The following MOK variants were observed in gnomAD, a reference collection of about 807,000 sequenced individuals.
MOK encodes MOK protein kinase.
MOK carries 59 observed loss-of-function variants against 54.2 expected under a neutral mutation model. The observed-to-expected ratio is 1.09, with a 90% CI of 0.88 to 1.35. The LOEUF (loss-of-function observed/expected upper bound fraction) is 1.35. Among genes scored for constraint, MOK ranks in the 40% most tolerant of loss-of-function variants. The pLI, the probability that MOK is intolerant of heterozygous loss-of-function variation, is 0.00. For missense variants in MOK, 517 were observed against 526.2 expected (o/e 0.98, Z 0.17); for synonymous variants, 210 against 202.7 (o/e 1.04, Z -0.31).
In MOK at chr14:102,236,644, A is replaced by C. The variant is rs2065243573; in HGVS notation, c.591-2855T>G. On this transcript the variant is annotated intron_variant, in intron 7 of 11. Coordinates refer to ENST00000361847, the MANE Select transcript of MOK (RefSeq NM_014226.3). The surrounding 1 kb of genome is among the most constrained non-coding windows in gnomAD (Gnocchi z 4.5). ...CCCCTGACCCCTCTCCCCAGTACCCACTTCCCACCTCTTTTGTAAACCCAA... is the reference window on the plus strand; with the variant it reads ...CCCCTGACCCCTCTCCCCAGTACCCCCTTCCCACCTCTTTTGTAAACCCAA... 1.3e-5 allele frequency among the ~76,000 whole-genome samples: 2 copies of C among 151,096 alleles called. No individual in the cohort carries two copies. Among genetic ancestry groups the C allele is most frequent in the Non-Finnish European group, 3.0e-5 (2 of 67,796 alleles).
rs765405131 is a variant in MOK, at chr14:102,232,726, T to C, written c.693-18A>G. 5.6e-6 allele frequency: 9 copies of C among 1,603,430 alleles called. No individual in the cohort carries two copies. The highest frequency in any genetic ancestry group is 7.7e-6 in the Non-Finnish European group (9 of 1,172,464). On this transcript the variant is annotated intron_variant, in intron 8 of 11. Coordinates refer to ENST00000361847, the MANE Select transcript of MOK (RefSeq NM_014226.3). This position sits in a 1 kb window ranked among gnomAD's most constrained non-coding sequence, Gnocchi z 5.1. ...CTCTCGACCTGTATTAAAAACCCAA[T>C]GATAATAAATGGTCATGCTGTCACT...
At chr14:102,274,102 C>T (rs906591632) in intron 2 of MOK, among the ~76,000 whole-genome samples, 3 of 151,736 alleles carry the variant, frequency 2.0e-5, no homozygotes, top group Admixed American at 6.6e-5. Flanking sequence ...GGACTATAGG[C>T]GCCTGCCACC....
At chr14:102,295,012 A>G (rs1457023234) in intron 1 of MOK, among the ~76,000 whole-genome samples, 1 of 152,214 alleles carries the variant, frequency 6.6e-6, no homozygotes, top group Non-Finnish European at 1.5e-5. Flanking sequence ...AACCACCTCT[A>G]TGAAAAAATT....
At chr14:102,266,457 ACTATGCCCTCT>A (rs2067916119) in intron 2 of MOK, among the ~76,000 whole-genome samples, 1 of 151,934 alleles carries the variant, frequency 6.6e-6, no homozygotes, top group Non-Finnish European at 1.5e-5. Context: ...GGTGCATCCC[ACTATGCCCTCT>A]CAAACTCCCA....
intron 7 of MOK, among the ~76,000 whole-genome samples, chr14:102,237,709 G>A (rs114118111): frequency 0.019 from 2,869 of 152,252 alleles, 56 homozygotes; most frequent in South Asian, 0.095. Flanking sequence ...AATAGCCCTC[G>A]GTGTCTTAGG....
In MOK at chr14:102,245,679, G is replaced by A. The variant is rs1240990831; in HGVS notation, c.590+5133C>T. Among the ~76,000 whole-genome samples, 1 of 151,846 alleles carries A rather than the reference G, an allele frequency of 6.6e-6. No individual in the cohort carries two copies. The highest frequency in any genetic ancestry group is 2.4e-5 in the African/African-American group (1 of 41,308). ...TCTCCCTTCGATGATTCTCTTTTCG[G>A]ACTCAGCCCGCCTGCACCCAGGTGA... On this transcript the variant is annotated intron_variant, in intron 7 of 11. Coordinates refer to ENST00000361847, the MANE Select transcript of MOK (RefSeq NM_014226.3). The surrounding 1 kb of genome is among the most constrained non-coding windows in gnomAD (Gnocchi z 4.3).
At chr14:102,278,102 C>T (rs2069055321) in intron 2 of MOK, among the ~76,000 whole-genome samples, 1 of 152,152 alleles carries the variant, frequency 6.6e-6, no homozygotes, top group Admixed American at 6.6e-5. Flanking sequence ...AAGAGGGCCA[C>T]CTGCAAATCC....
At chr14:102,298,837 T>G (rs2071781212) in intron 1 of MOK, among the ~76,000 whole-genome samples, 3 of 152,192 alleles carry the variant, frequency 2.0e-5, no homozygotes. Flanking sequence ...CAAAGGTCTG[T>G]AGCTTCTCTC....
chr14:102,290,109 C>T (rs1382785892), intron 1 of MOK, among the ~76,000 whole-genome samples: 2 of 138,694 alleles, frequency 1.4e-5, no homozygotes, highest in African/African-American at 5.4e-5. Context: ...TGGAAACTTA[C>T]AAGAAGCAGG....
intron 1 of MOK, among the ~76,000 whole-genome samples, chr14:102,296,503 G>A (rs1334739929): frequency 2.0e-5 from 3 of 152,158 alleles, no homozygotes; most frequent in African/African-American, 4.8e-5. Context: ...ATTTACTGTG[G>A]CAAATAGGGG....
chr14:102,229,986 C>G (rs1217733310), intron 10 of MOK: 5 of 305,844 alleles, frequency 1.6e-5, no homozygotes, highest in Non-Finnish European at 3.0e-5. Context: ...ATCTGCCTGT[C>G]GCCTGGTTTT....
chr14:102,219,776 CTGCCATCA>C (rs1244578346), downstream of MOK, among the ~76,000 whole-genome samples: 2 of 152,240 alleles, frequency 1.3e-5, no homozygotes, highest in Non-Finnish European at 2.9e-5. Context: ...TTAACCAGGG[CTGCCATCA>C]AAAGGGCGAA....
intron 3 of MOK, 48 bp from the exon 4 acceptor site, chr14:102,263,664 G>A (rs779591804): frequency 3.9e-6 from 5 of 1,295,422 alleles, no homozygotes; most frequent in Non-Finnish European, 5.5e-6. Context: ...GCCTTAATCA[G>A]AAAATATAAT....
intron 2 of MOK, among the ~76,000 whole-genome samples, chr14:102,280,191 G>A (rs911503433): frequency 6.6e-6 from 1 of 151,936 alleles, no homozygotes; most frequent in African/African-American, 2.4e-5. Flanking sequence ...GCCTGGTCCA[G>A]CGGAATTTCG....
intron 1 of MOK, among the ~76,000 whole-genome samples, chr14:102,294,411 A>C (rs1288958571): frequency 4.0e-5 from 6 of 148,976 alleles, no homozygotes; most frequent in African/African-American, 1.5e-4. Context: ...GCGCCACTGC[A>C]CTCCAGCCAG....
chr14:102,285,651 G>A (rs1187189211), intron 1 of MOK, among the ~76,000 whole-genome samples: 1 of 152,096 alleles, frequency 6.6e-6, no homozygotes, highest in East Asian at 1.9e-4. Context: ...CAGCACTTTG[G>A]GAGACCCAGG....
chr14:102,302,562 C>A (rs2072350317), intron 1 of MOK, among the ~76,000 whole-genome samples: 1 of 151,616 alleles, frequency 6.6e-6, no homozygotes, highest in Admixed American at 6.6e-5. Context: ...ACTACAGGTG[C>A]CCACCACCAC....
chr14:102,276,242 TG>T (rs1247808735), intron 2 of MOK, among the ~76,000 whole-genome samples: 1 of 150,832 alleles, frequency 6.6e-6, no homozygotes, highest in African/African-American at 2.4e-5. Flanking sequence ...CCCAACACTT[TG>T]GGAGGCTGAA....
intron 1 of MOK, among the ~76,000 whole-genome samples, chr14:102,294,281 CT>C (rs760787194): frequency 1.3e-5 from 2 of 151,938 alleles, no homozygotes; most frequent in Non-Finnish European, 2.9e-5. Flanking sequence ...CCCGTCTCTA[CT>C]AAAAATACAA....
Sources: gnomAD v4.1 joint callset for allele counts (sites outside exome capture counted in the v4.1 genomes callset) on GRCh38, gnomAD v4.1.1 for gene constraint, Gnocchi (gnomAD v3.1) non-coding constraint, MANE v1.5 for transcripts, NCBI Gene and HGNC (gene_info 2026-07-23, HGNC 2026-07-21) for gene names.